FHL1: variants seen among roughly 807,000 people sequenced by gnomAD.
FHL1 encodes the protein four and a half LIM domains 1.
A neutral mutation model predicts 20.3 loss-of-function variants in FHL1; 1 was observed. The ratio of observed to expected loss-of-function variants is 0.05; its 90% CI spans 0.02 to 0.23. The LOEUF is 0.23. Among genes scored for constraint, FHL1 ranks in the 10% least tolerant of loss-of-function variants. FHL1 has a pLI of 1.00. For missense variants in FHL1, 177 were observed against 234.0 expected, an observed-to-expected ratio of 0.76 and a Z score of 1.59; for synonymous variants, 82 against 88.9, an observed-to-expected ratio of 0.92 and a Z score of 0.44.
upstream of FHL1, among the ~76,000 whole-genome samples, chrX:136,167,285 A>G (rs1465837562): frequency 9.0e-6 from 1 of 111,463 alleles, no homozygotes; most frequent in African/African-American, 3.3e-5. Flanking sequence ...AGATCACCGC[A>G]ACCTCCACCT....
At chrX:136,205,441 G>A (rs998218313) in intron 1 of FHL1, among the ~76,000 whole-genome samples, 27 of 112,054 alleles carry the variant, frequency 2.4e-4, no homozygotes, top group Non-Finnish European at 3.4e-4. Flanking sequence ...TGAGCATATT[G>A]ATTCTCACTT....
chrX:136,209,213 T>C (rs756718769), intron 5 of FHL1: 2 of 1,185,316 alleles, frequency 1.7e-6, no homozygotes, highest in South Asian at 3.7e-5. Context: ...CCTTGAAATG[T>C]ACATTTGAGA....
intron 2 of FHL1, among the ~76,000 whole-genome samples, chrX:136,170,302 A>G (rs1051535010): frequency 2.7e-5 from 3 of 111,841 alleles, no homozygotes; most frequent in Non-Finnish European, 5.6e-5. Flanking sequence ...GGAAAGCTGC[A>G]TGGAGCAAAT....
intron 2 of FHL1, among the ~76,000 whole-genome samples, chrX:136,178,325 G>T (rs1481599239): frequency 8.9e-6 from 1 of 112,155 alleles, no homozygotes; most frequent in African/African-American, 3.2e-5. Context: ...ATATAAAAAT[G>T]TATTTAGAAT....
chrX:136,210,128 T>G lies in FHL1; in HGVS notation c.*103T>G, dbSNP rs781541290. 2 of 1,053,187 alleles carry G rather than the reference T, an allele frequency of 1.9e-6. No homozygotes were observed. Among genetic ancestry groups the G allele is most frequent in the South Asian group, 1.9e-5 (1 of 53,003 alleles). The allele number at this position is 1,053,187 out of a possible 1,213,427, so 86.8% of individuals were successfully genotyped here. On this transcript the variant is annotated 3_prime_UTR_variant, in exon 6 of 6. Coordinates refer to ENST00000370683, the MANE Select transcript of FHL1 (RefSeq NM_001159699.2). ...AATAGGGGAAGAGTGGTCCTTCCCTTCTTTAAAGTTCTCCTTCCGTCTTTT... is the reference window on the plus strand; with the variant it reads ...AATAGGGGAAGAGTGGTCCTTCCCTGCTTTAAAGTTCTCCTTCCGTCTTTT...
intron 1 of FHL1, among the ~76,000 whole-genome samples, chrX:136,204,125 A>G (rs1423922202): frequency 8.9e-6 from 1 of 112,878 alleles, no homozygotes; most frequent in African/African-American, 3.2e-5. Flanking sequence ...GCAGGAAGCC[A>G]GTGCTGTCTA....
intron 2 of FHL1, among the ~76,000 whole-genome samples, chrX:136,180,779 T>C (rs1039338859): frequency 2.6e-4 from 21 of 81,332 alleles, no homozygotes; most frequent in African/African-American, 8.0e-4. Context: ...TCTCACTCTC[T>C]CGCCCAGGCT....
chrX:136,193,341 G>A (rs2073478233), upstream of FHL1, among the ~76,000 whole-genome samples: 1 of 111,900 alleles, frequency 8.9e-6, no homozygotes, highest in Non-Finnish European at 1.9e-5. Flanking sequence ...TTGATTCTTC[G>A]GTTGCACCAC....
chrX:136,197,385 T>C (rs1298310531), intron 1 of FHL1, among the ~76,000 whole-genome samples: 1 of 112,502 alleles, frequency 8.9e-6, no homozygotes, highest in East Asian at 2.8e-4. Context: ...ACTATATTTT[T>C]ACCTTTTTCA....
chrX:136,181,215 GC>G (rs2073149891), intron 2 of FHL1, among the ~76,000 whole-genome samples: 1 of 112,447 alleles, frequency 8.9e-6, no homozygotes, highest in Non-Finnish European at 1.9e-5. Flanking sequence ...GCATTGGCCT[GC>G]AAAAGCTGAA....
intron 2 of FHL1, among the ~76,000 whole-genome samples, chrX:136,177,045 C>CACACACACACACACACACAT (rs2073025326): frequency 9.1e-6 from 1 of 109,719 alleles, no homozygotes; most frequent in Non-Finnish European, 1.9e-5. Flanking sequence ...CACACACACA[C>CACACACACACACACACACAT]ATAATGTCTC....
At chrX:136,147,147 G>A (rs1481193499), upstream of FHL1, 1 of 196,808 alleles carries the variant, frequency 5.1e-6, no homozygotes, top group Non-Finnish European at 9.6e-6. Flanking sequence ...CGAGGGAGGG[G>A]GCCCGAGGCG....
intron 2 of FHL1, among the ~76,000 whole-genome samples, 184 bp from the exon 3 acceptor site, chrX:136,206,832 T>C (rs1303837826): frequency 8.9e-6 from 1 of 112,906 alleles, no homozygotes; most frequent in Non-Finnish European, 1.9e-5. Context: ...ATTTCAAGAA[T>C]TGTGAGATTT....
At chrX:136,191,441 G>A (rs973097298) in intron 2 of FHL1, among the ~76,000 whole-genome samples, 7 of 111,674 alleles carry the variant, frequency 6.3e-5, no homozygotes, top group African/African-American at 2.3e-4. Flanking sequence ...GACTTCCTGA[G>A]TGACATCCAG....
At chrX:136,161,472 C>T (rs780653696) in intron 1 of FHL1, among the ~76,000 whole-genome samples, 2 of 111,954 alleles carry the variant, frequency 1.8e-5, no homozygotes, top group East Asian at 5.6e-4. Flanking sequence ...ATTTTGTAAA[C>T]GTTTTCTGAC....
intron 1 of FHL1, among the ~76,000 whole-genome samples, chrX:136,157,647 C>G (rs1281799702): frequency 9.0e-6 from 1 of 110,998 alleles, no homozygotes; most frequent in Non-Finnish European, 1.9e-5. Context: ...CCCTTTCCCC[C>G]AGATATCCCG....
upstream of FHL1, chrX:136,196,771 G>A (rs1489729528): frequency 1.1e-5 from 13 of 1,154,597 alleles, no homozygotes; most frequent in South Asian, 2.0e-5. Context: ...AGCTATGCCA[G>A]AGCCGAGTCC....
chrX:136,148,103 A>T (rs1480869261), intron 1 of FHL1: 1 of 101,572 alleles, frequency 9.8e-6, no homozygotes, highest in Non-Finnish European at 2.0e-5. Context: ...TCTTTCAGCC[A>T]GGATAGCTAG....
chrX:136,147,306 C>G (rs2072118795), upstream of FHL1: 1 of 82,766 alleles, frequency 1.2e-5, no homozygotes, highest in African/African-American at 4.5e-5. Flanking sequence ...GGCAAGCCGC[C>G]CCTCTCCCCA....
Sources: gnomAD v4.1 joint callset for allele counts (sites outside exome capture counted in the v4.1 genomes callset) on GRCh38, gnomAD v4.1.1 for gene constraint, MANE v1.5 for transcripts, NCBI Gene and HGNC (gene_info 2026-07-23, HGNC 2026-07-21) for gene names.